Variants in TXNDC16 observed in about 807,000 individuals in gnomAD.
TXNDC16 encodes thioredoxin domain-containing protein 16.
A neutral mutation model predicts 85.6 loss-of-function variants in TXNDC16; 74 were observed. The observed-to-expected ratio is 0.86, with a 90% confidence interval of 0.72 to 1.05. The LOEUF is 1.05. TXNDC16 is among the 50% of genes least tolerant of loss of function. TXNDC16 has a pLI of 0.00. For missense variants in TXNDC16, 959 were observed against 947.0 expected, an observed-to-expected ratio of 1.01 and a Z score of -0.17; for synonymous variants, 335 against 326.5, an observed-to-expected ratio of 1.03 and a Z score of -0.28.
At chr14:52,490,594 C>T (rs763475181) in intron 10 of TXNDC16, 143 bp from the exon 11 acceptor site, 27 of 792,270 alleles carry the variant, frequency 3.4e-5, no homozygotes, top group Non-Finnish European at 4.6e-5. Flanking sequence ...AAATTTTACA[C>T]GTAAACATAG....
chr14:52,475,281 A>T (rs1452897558), intron 14 of TXNDC16, among the ~76,000 whole-genome samples: 1 of 152,166 alleles, frequency 6.6e-6, no homozygotes, highest in Non-Finnish European at 1.5e-5. Flanking sequence ...CCTCCCCCTG[A>T]AATTTGTAAC....
chr14:52,518,697 A>G (rs1174522502), intron 7 of TXNDC16, among the ~76,000 whole-genome samples: 1 of 152,074 alleles, frequency 6.6e-6, no homozygotes, highest in Non-Finnish European at 1.5e-5. Flanking sequence ...AACATTATTT[A>G]CTGAATACTG....
At chr14:52,471,702 A>G (rs2035911645) in intron 14 of TXNDC16, among the ~76,000 whole-genome samples, 1 of 152,058 alleles carries the variant, frequency 6.6e-6, no homozygotes, top group Admixed American at 6.6e-5. Flanking sequence ...TATGCATGTG[A>G]ATAAATGACA....
At chr14:52,488,305 C>T (rs1164965548) in intron 12 of TXNDC16, 58 bp downstream of exon 12, 7 of 1,583,442 alleles carry the variant, frequency 4.4e-6, no homozygotes, top group Non-Finnish European at 8.6e-7. Context: ...TTGGAAATTT[C>T]ACTGACTTTA....
intron 9 of TXNDC16, among the ~76,000 whole-genome samples, chr14:52,500,576 T>C (rs77891673): frequency 0.012 from 1,828 of 152,308 alleles, 35 homozygotes; most frequent in African/African-American, 0.04. Context: ...TTATACACTT[T>C]CAAATTGTGA....
intron 9 of TXNDC16, among the ~76,000 whole-genome samples, chr14:52,494,271 T>C (rs1009955868): frequency 6.6e-6 from 1 of 152,112 alleles, no homozygotes. Flanking sequence ...GTAGGACCCG[T>C]GGGTAGCCAT....
At chr14:52,530,266 ATATT>A (rs2037482798) in intron 6 of TXNDC16, among the ~76,000 whole-genome samples, 1 of 54,948 alleles carries the variant, frequency 1.8e-5, no homozygotes, top group Non-Finnish European at 2.8e-5. Context: ...TATATAATAT[ATATT>A]ATTATTTAAT....
At chr14:52,487,021 A>G (rs1306887178) in intron 12 of TXNDC16, among the ~76,000 whole-genome samples, 2 of 152,230 alleles carry the variant, frequency 1.3e-5, no homozygotes, top group African/African-American at 4.8e-5. Flanking sequence ...AAGGCCACAG[A>G]GTCAGGAAAC....
At chr14:52,485,380 A>T (rs532389608) in intron 12 of TXNDC16, among the ~76,000 whole-genome samples, 1 of 152,342 alleles carries the variant, frequency 6.6e-6, no homozygotes, top group South Asian at 2.1e-4. Context: ...TGTTTTTAAA[A>T]ATTGTAAAAA....
intron 16 of TXNDC16, among the ~76,000 whole-genome samples, chr14:52,469,139 A>G (rs1397072070): frequency 6.6e-6 from 1 of 151,360 alleles, no homozygotes; most frequent in Non-Finnish European, 1.5e-5. Context: ...TTGAGCTCAG[A>G]AGTTCAAGAC....
At chr14:52,439,767 T>C (rs1339354416) in intron 19 of TXNDC16, among the ~76,000 whole-genome samples, 1 of 152,202 alleles carries the variant, frequency 6.6e-6, no homozygotes, top group Non-Finnish European at 1.5e-5. Flanking sequence ...AACTAGAAGA[T>C]AACAAGATAC....
intron 6 of TXNDC16, among the ~76,000 whole-genome samples, chr14:52,532,867 A>G (rs1480611856): frequency 6.6e-6 from 1 of 152,178 alleles, no homozygotes; most frequent in Non-Finnish European, 1.5e-5. Context: ...GTTGTTCCTC[A>G]TGGCAATTTG....
chr14:52,486,300 T>C lies in TXNDC16; in HGVS notation c.1108+2063A>G, dbSNP rs541803347. On this transcript the variant is annotated intron_variant, in intron 12 of 20. Transcript: ENST00000281741. ...ATGCTGCTTTTTTTTTTTTTTTTTTTTGAGACAGGGTCTCACTCTGTTGCC... is the reference window on the plus strand; with the variant it reads ...ATGCTGCTTTTTTTTTTTTTTTTTTCTGAGACAGGGTCTCACTCTGTTGCC... Among the ~76,000 whole-genome samples, 671 of 150,298 alleles carry C rather than the reference T, an allele frequency of 4.5e-3. 11 individuals are homozygous for C. Among genetic ancestry groups the C allele is most frequent in the Admixed American group, 0.036 (543 of 15,022 alleles).
intron 6 of TXNDC16, among the ~76,000 whole-genome samples, chr14:52,529,937 T>C (rs1168189817): frequency 9.4e-6 from 1 of 105,824 alleles, no homozygotes; most frequent in Non-Finnish European, 1.7e-5. Flanking sequence ...ATATATTATA[T>C]ATATGAATTA....
rs753816719 is a variant in TXNDC16 at position 52,482,830 on chromosome 14, T to G, written c.1244A>C (p.Tyr415Ser). The G allele has an allele frequency of 2.5e-6, 4 of 1,607,312 alleles. No homozygotes were observed. The highest frequency in any genetic ancestry group is 1.3e-5 in the African/African-American group (1 of 74,634). The change falls in exon 13 of 21, where the codon TAT becomes TCT. Residue 415 changes from tyrosine to serine, a missense_variant. Tyr to Ser is a moderately radical substitution (Grantham distance 144). Coordinates refer to ENST00000281741, the MANE Select transcript of TXNDC16 (RefSeq NM_020784.3). ...VMASDSIVLF[Y>S]AGWQAVSMAF... ...TAAAGGCTCATACTCACAACCAGCA[T>G]AGAAGAGTACTATGCTGTCAGAAGC...
In TXNDC16 at chr14:52,431,626, T is replaced by G. The variant is rs926388950; in HGVS notation, c.*678A>C. On this transcript the variant is annotated 3_prime_UTR_variant, in exon 21 of 21. Coordinates refer to ENST00000281741, the MANE Select transcript of TXNDC16 (RefSeq NM_020784.3). ...CATTTCGGGCAGGATAATTCTTTGT[T>G]GTGGGGCGCTGTCCAATGCAGGTTA... is the stretch of plus-strand genomic sequence containing the variant. 6.6e-6 allele frequency: 1 copy of G among 152,178 alleles called. No individual in the cohort carries two copies. Among genetic ancestry groups the G allele is most frequent in the East Asian group, 1.9e-4 (1 of 5,200 alleles). The allele number at this position is 152,178 out of a possible 1,614,324, so 9.4% of individuals were successfully genotyped here.
At chr14:52,464,475 TG>T (rs2035725762) in intron 16 of TXNDC16, among the ~76,000 whole-genome samples, 1 of 152,092 alleles carries the variant, frequency 6.6e-6, no homozygotes, top group Non-Finnish European at 1.5e-5. Context: ...AGGCCTAGTG[TG>T]AATAATAAAT....
At chr14:52,482,419 A>G in intron 13 of TXNDC16, 130 bp from the exon 14 acceptor site, 1 of 755,432 alleles carries the variant, frequency 1.3e-6, no homozygotes. Flanking sequence ...TCTACTATAC[A>G]TTTCTCAACA....
chr14:52,458,073 T>C (rs1357780513), intron 16 of TXNDC16, among the ~76,000 whole-genome samples: 2 of 152,210 alleles, frequency 1.3e-5, no homozygotes, highest in African/African-American at 4.8e-5. Flanking sequence ...CCCAAAGATC[T>C]GTACCTCAGC....
Sources: allele counts gnomAD v4.1 joint callset (sites outside exome capture counted in the v4.1 genomes callset), GRCh38; gene constraint gnomAD v4.1.1; transcripts MANE v1.5; gene names NCBI Gene and HGNC (gene_info 2026-07-23, HGNC 2026-07-21).